RBFOX2: variants seen among roughly 807,000 people sequenced by gnomAD.
RBFOX2 encodes the protein RNA binding fox-1 homolog 2, also known as RNA binding protein fox-1 homolog 2.
RBFOX2 carries 10 observed loss-of-function variants against 49.1 expected under a neutral mutation model. The observed-to-expected ratio is 0.20, with a 90% CI of 0.13 to 0.35. The LOEUF is 0.35. Ranked by LOEUF, RBFOX2 falls within the 10% of genes least tolerant of loss-of-function variation. The pLI is 1.00. For missense variants in RBFOX2, 323 were observed against 486.9 expected (o/e 0.66, Z 3.17); for synonymous variants, 183 against 187.4 (o/e 0.98, Z 0.19).
At chr22:35,893,195 G>C (rs2047451508) in intron 1 of RBFOX2, among the ~76,000 whole-genome samples, 2 of 152,232 alleles carry the variant, frequency 1.3e-5, no homozygotes, top group African/African-American at 4.8e-5. Flanking sequence ...AAAGTGACCA[G>C]GGGACTCCCA....
chr22:35,911,349 G>C (rs1477221803), intron 1 of RBFOX2, among the ~76,000 whole-genome samples: 1 of 152,140 alleles, frequency 6.6e-6, no homozygotes, highest in Admixed American at 6.5e-5. Context: ...TTTTGGGAGA[G>C]AACCTCATAA....
At chr22:35,850,484 G>C (rs2041816244) in intron 1 of RBFOX2, among the ~76,000 whole-genome samples, 1 of 152,136 alleles carries the variant, frequency 6.6e-6, no homozygotes, top group African/African-American at 2.4e-5. Context: ...GAGTCCACTG[G>C]AGGCCTCCAG....
intron 2 of RBFOX2, among the ~76,000 whole-genome samples, chr22:35,803,236 A>T (rs983932536): frequency 6.6e-6 from 1 of 152,266 alleles, no homozygotes; most frequent in East Asian, 1.9e-4. Context: ...CATTACTAAA[A>T]TGTCCAATTT....
intron 1 of RBFOX2, among the ~76,000 whole-genome samples, chr22:35,927,357 C>A (rs2051769689): frequency 6.6e-6 from 1 of 152,126 alleles, no homozygotes; most frequent in South Asian, 2.1e-4. Flanking sequence ...ATAATCCCAG[C>A]CCTTTGGGAG....
chr22:35,746,547 G>A, exon 10 of RBFOX2: 1 of 1,602,472 alleles, frequency 6.2e-7, no homozygotes, highest in South Asian at 1.1e-5. Context: ...CATATCTGTA[G>A]GCTGCATATC....
chr22:35,947,924 G>A (rs1049558528), intron 1 of RBFOX2, among the ~76,000 whole-genome samples: 1 of 152,158 alleles, frequency 6.6e-6, no homozygotes, highest in African/African-American at 2.4e-5. Context: ...AGTGTACAGT[G>A]TTGATAAAGT....
upstream of RBFOX2, among the ~76,000 whole-genome samples, chr22:35,963,457 G>C (rs909669500): frequency 2.0e-5 from 3 of 152,114 alleles, no homozygotes; most frequent in African/African-American, 7.2e-5. Context: ...AGTATTAAAA[G>C]CACTAATAAT....
chr22:35,794,307 T>C (rs1451772283), intron 2 of RBFOX2, among the ~76,000 whole-genome samples: 1 of 152,114 alleles, frequency 6.6e-6, no homozygotes, highest in African/African-American at 2.4e-5. Flanking sequence ...CAGCTAGCTG[T>C]AACTTGCTCA....
At chr22:35,861,533 T>C (rs1195243476) in intron 1 of RBFOX2, among the ~76,000 whole-genome samples, 1 of 152,100 alleles carries the variant, frequency 6.6e-6, no homozygotes, top group Admixed American at 6.5e-5. Context: ...AATGAGATAG[T>C]AAACAAGCGC....
intron 1 of RBFOX2, among the ~76,000 whole-genome samples, chr22:35,969,499 A>C (rs986565884): frequency 1.2e-4 from 19 of 152,220 alleles, no homozygotes; most frequent in African/African-American, 4.6e-4. Flanking sequence ...ACTTGAACTC[A>C]GGAGGTCGAG....
At chr22:35,809,820 T>C in exon 2 of RBFOX2, 1 of 1,614,126 alleles carries the variant, frequency 6.2e-7, no homozygotes, top group Non-Finnish European at 8.5e-7. Flanking sequence ...GTTGCTGCTC[T>C]GCTCCCCGTG....
intron 2 of RBFOX2, among the ~76,000 whole-genome samples, chr22:35,801,842 A>G (rs1040478720): frequency 6.6e-6 from 1 of 152,078 alleles, no homozygotes; most frequent in Admixed American, 6.6e-5. Flanking sequence ...AGATCAAATA[A>G]AATAAAATGT....
At chr22:35,790,074 A>T (rs1947297001) in intron 2 of RBFOX2, among the ~76,000 whole-genome samples, 1 of 152,174 alleles carries the variant, frequency 6.6e-6, no homozygotes. Flanking sequence ...AACTTTTGAA[A>T]TTTTTGTGGT....
At chr22:36,002,118 C>A (rs895951095) in intron 1 of RBFOX2, among the ~76,000 whole-genome samples, 1 of 151,950 alleles carries the variant, frequency 6.6e-6, no homozygotes, top group African/African-American at 2.4e-5. Context: ...AATTAAAAAG[C>A]CAAGATACCA....
chr22:35,919,940 C>T (rs896883452), intron 1 of RBFOX2, among the ~76,000 whole-genome samples: 3 of 152,164 alleles, frequency 2.0e-5, no homozygotes, highest in African/African-American at 7.2e-5. Flanking sequence ...TCAAGTCCAC[C>T]TCCACTCTAG....
rs114947455 is a variant in RBFOX2, at chr22:35,792,538, T to C, written c.253-10792A>G. Among the ~76,000 whole-genome samples, 404 of 152,296 alleles carry C rather than the reference T, an allele frequency of 2.7e-3. 4 individuals carry two copies. The highest frequency in any genetic ancestry group is 9.5e-3 in the African/African-American group (394 of 41,570). On this transcript the variant is annotated intron_variant, in intron 2 of 11. Coordinates refer to ENST00000405409, the Ensembl canonical transcript of RBFOX2. ...TATGACATATTTAATATTCAACGAATTGAAATGGAAACATCATAGCCTACT... is the reference window on the plus strand; with the variant it reads ...TATGACATATTTAATATTCAACGAACTGAAATGGAAACATCATAGCCTACT...
exon 1 of RBFOX2, chr22:35,840,236 G>A: frequency 6.2e-7 from 1 of 1,614,144 alleles, no homozygotes; most frequent in African/African-American, 1.3e-5. Flanking sequence ...ACGGATAGAT[G>A]ATAAACCTTT....
chr22:35,946,342 T>C (rs2157258), intron 1 of RBFOX2, among the ~76,000 whole-genome samples: 78,739 of 151,996 alleles, frequency 0.52, 21,763 homozygotes, highest in East Asian at 0.79. Context: ...AATAGAAAGG[T>C]TGGACGGAAC....
At chr22:35,831,776 T>C (rs971680236) in intron 1 of RBFOX2, among the ~76,000 whole-genome samples, 3 of 152,218 alleles carry the variant, frequency 2.0e-5, no homozygotes, top group Non-Finnish European at 4.4e-5. Flanking sequence ...TTATGAGGAA[T>C]CATAATTAAC....
Sources: allele counts gnomAD v4.1 joint callset (sites outside exome capture counted in the v4.1 genomes callset), GRCh38; gene constraint gnomAD v4.1.1; transcripts MANE v1.5; gene names NCBI Gene and HGNC (gene_info 2026-07-23, HGNC 2026-07-21).